MPP7: variants seen among roughly 807,000 people sequenced by gnomAD.
MPP7 encodes MAGUK p55 scaffold protein 7.
In MPP7, 60 loss-of-function variants were observed where a neutral mutation model predicts 76.5. The ratio of observed to expected loss-of-function variants is 0.78; its 90% confidence interval spans 0.64 to 0.97. The LOEUF is 0.97. MPP7 is among the 50% of genes least tolerant of loss of function. MPP7 has a pLI of 0.00. For synonymous variants in MPP7, 237 were observed against 244.5 expected, an observed-to-expected ratio of 0.97 and a Z score of 0.29; for missense variants, 641 against 694.0, an observed-to-expected ratio of 0.92 and a Z score of 0.86.
intron 13 of MPP7, among the ~76,000 whole-genome samples, chr10:28,066,831 T>G (rs978139085): frequency 1.3e-5 from 2 of 152,248 alleles, no homozygotes; most frequent in Non-Finnish European, 2.9e-5. Context: ...ATTCTTATTG[T>G]TGCATGTAGT....
At chr10:28,184,736 T>G (rs1030974427) in intron 3 of MPP7, among the ~76,000 whole-genome samples, 8 of 147,912 alleles carry the variant, frequency 5.4e-5, no homozygotes, top group Non-Finnish European at 1.2e-4. Context: ...TCCTAATATA[T>G]AGTAATATAA....
chr10:28,296,233 G>T (rs1050809437), intron 1 of MPP7, among the ~76,000 whole-genome samples: 1 of 152,036 alleles, frequency 6.6e-6, no homozygotes, highest in African/African-American at 2.4e-5. Context: ...CCATGCCCAC[G>T]CTCTCCTAAG....
At chr10:28,315,069 G>A (rs540757851) in intron 2 of MPP7, among the ~76,000 whole-genome samples, 1 of 152,110 alleles carries the variant, frequency 6.6e-6, no homozygotes, top group East Asian at 1.9e-4. Flanking sequence ...GATTGCTTGA[G>A]CCCAGGAGTT....
At chr10:28,064,312 A>G (rs1473047480) in intron 13 of MPP7, among the ~76,000 whole-genome samples, 1 of 152,242 alleles carries the variant, frequency 6.6e-6, no homozygotes, top group Non-Finnish European at 1.5e-5. Flanking sequence ...GGTGAATCTT[A>G]CATTCATTAT....
intron 12 of MPP7, among the ~76,000 whole-genome samples, chr10:28,070,195 A>G (rs1852173662): frequency 6.6e-6 from 1 of 152,142 alleles, no homozygotes. Context: ...CAGGAGATTG[A>G]GACCATCCTG....
intron 6 of MPP7, among the ~76,000 whole-genome samples, chr10:28,127,452 A>G (rs541534817): frequency 5.3e-4 from 81 of 152,196 alleles, no homozygotes; most frequent in Non-Finnish European, 8.7e-4. Flanking sequence ...CAATTTATGA[A>G]AGGAAGGTTT....
chr10:28,174,126 C>G (rs79165945), intron 3 of MPP7, among the ~76,000 whole-genome samples: 4,717 of 152,238 alleles, frequency 0.031, 92 homozygotes, highest in South Asian at 0.061. Context: ...CAAAGACAAG[C>G]CCCACCATAC....
chr10:28,238,480 C>A, intron 2 of MPP7, 88 bp downstream of exon 2: 1 of 1,369,154 alleles, frequency 7.3e-7, no homozygotes. Context: ...CATGATCTGC[C>A]TGCATTTGCT....
chr10:28,261,299 G>A (rs1320622306), intron 1 of MPP7, among the ~76,000 whole-genome samples: 2 of 152,114 alleles, frequency 1.3e-5, no homozygotes, highest in Non-Finnish European at 2.9e-5. Flanking sequence ...CATTCACTGG[G>A]GTGGAACCCT....
At chr10:28,331,020 T>C (rs1834465996) in intron 1 of MPP7, among the ~76,000 whole-genome samples, 1 of 152,150 alleles carries the variant, frequency 6.6e-6, no homozygotes, top group East Asian at 1.9e-4. Context: ...CTGAGGACAA[T>C]TTGAAATTAT....
chr10:28,127,099 C>T (rs919177705), intron 6 of MPP7, among the ~76,000 whole-genome samples: 2 of 152,196 alleles, frequency 1.3e-5, no homozygotes, highest in African/African-American at 4.8e-5. Flanking sequence ...CCGTGGTTTG[C>T]AACATAGAAT....
intron 15 of MPP7, 92 bp from the exon 16 acceptor site, chr10:28,056,715 T>A: frequency 9.1e-7 from 1 of 1,103,814 alleles, no homozygotes; most frequent in Non-Finnish European, 1.3e-6. Flanking sequence ...TCAAAATTAT[T>A]CTTTAAGGTC....
intron 3 of MPP7, among the ~76,000 whole-genome samples, chr10:28,180,841 C>G (rs946152710): frequency 7.2e-5 from 11 of 152,206 alleles, no homozygotes; most frequent in African/African-American, 2.7e-4. Context: ...CTGCTAAAGG[C>G]TTCTGCCCAG....
chr10:28,217,258 G>C (rs1588939125), intron 2 of MPP7, among the ~76,000 whole-genome samples: 1 of 152,132 alleles, frequency 6.6e-6, no homozygotes, highest in East Asian at 1.9e-4. Flanking sequence ...TCTGGGCCCA[G>C]TGGCTCATGC....
At chr10:28,124,608 T>C (rs947587949) in intron 7 of MPP7, among the ~76,000 whole-genome samples, 2 of 150,694 alleles carry the variant, frequency 1.3e-5, no homozygotes, top group African/African-American at 4.9e-5. Flanking sequence ...TGCAAGTAGC[T>C]GATACTACAG....
At chr10:28,091,308 A>G (rs561574935) in intron 11 of MPP7, among the ~76,000 whole-genome samples, 1 of 141,258 alleles carries the variant, frequency 7.1e-6, no homozygotes, top group African/African-American at 2.6e-5. Context: ...TTTTTTTGAG[A>G]TGGAGTTTTG....
chr10:28,076,830 C>T (rs1199853927), intron 12 of MPP7, among the ~76,000 whole-genome samples: 1 of 151,468 alleles, frequency 6.6e-6, no homozygotes, highest in South Asian at 2.1e-4. Context: ...AGAGGTTACA[C>T]TGAGCTGAGA....
chr10:28,100,092 T>A (rs1853755430), intron 11 of MPP7, among the ~76,000 whole-genome samples: 2 of 146,264 alleles, frequency 1.4e-5, no homozygotes, highest in South Asian at 2.2e-4. Context: ...AAAAAAAAAA[T>A]TTACTATAAG....
chr10:28,199,255 T>C (rs1462595845), intron 3 of MPP7, among the ~76,000 whole-genome samples: 5 of 152,154 alleles, frequency 3.3e-5, no homozygotes, highest in Admixed American at 2.6e-4. Flanking sequence ...CAAGATGAGA[T>C]TTGGATGGGG....
Sources: allele counts gnomAD v4.1 joint callset (sites outside exome capture counted in the v4.1 genomes callset), GRCh38; gene constraint gnomAD v4.1.1; transcripts MANE v1.5; gene names NCBI Gene and HGNC (gene_info 2026-07-23, HGNC 2026-07-21).